Variants in TCF7L2 observed in about 807,000 individuals in gnomAD.
The protein encoded by TCF7L2 is transcription factor 7 like 2.
Under a neutral mutation model 77.9 loss-of-function variants are expected in TCF7L2, and 23 were observed. That is an observed-to-expected ratio of 0.30 (90% CI 0.21 to 0.42). The LOEUF (loss-of-function observed/expected upper bound fraction) is 0.42. TCF7L2 is among the 10% of genes least tolerant of loss of function. TCF7L2 has a pLI of 1.00. For synonymous variants in TCF7L2, 413 were observed against 340.2 expected (o/e 1.21, Z -2.36); for missense variants, 654 against 793.1 (o/e 0.82, Z 2.11).
In TCF7L2 at chr10:113,060,221, T is replaced by C. The variant is rs543413177; in HGVS notation, c.552+20095T>C. On this transcript the variant is annotated intron_variant, in intron 5 of 13. Transcript: ENST00000627217. ...GATAAAGGGGGGCAGCAAGTAACTA[T>C]GTCTGAGAGAAGGAATTGCAGGCAC... Among the ~76,000 whole-genome samples the C allele has an allele frequency of 6.6e-5, 10 of 152,344 alleles. No homozygotes were observed. In the East Asian group the frequency reaches 1.7e-3, roughly 26 times the overall value.
intron 4 of TCF7L2, among the ~76,000 whole-genome samples, chr10:113,034,483 T>C (rs139508735): frequency 1.3e-5 from 2 of 152,320 alleles, no homozygotes; most frequent in Admixed American, 1.3e-4. Flanking sequence ...ACTCTCAGCT[T>C]TGGGCGCATA....
At chr10:113,064,537 A>G (rs1052974647) in intron 5 of TCF7L2, among the ~76,000 whole-genome samples, 83 of 152,252 alleles carry the variant, frequency 5.5e-4, no homozygotes, top group African/African-American at 1.9e-3. Flanking sequence ...ACATGGACCA[A>G]GATTTATTCT....
intron 4 of TCF7L2, among the ~76,000 whole-genome samples, chr10:113,020,874 A>C (rs11196191): frequency 0.54 from 81,639 of 151,786 alleles, 24,630 homozygotes; most frequent in African/African-American, 0.81. Flanking sequence ...GCATCTACAG[A>C]ATGAGGGAGG....
At chr10:113,153,062 A>G (rs1286481867) in intron 11 of TCF7L2, among the ~76,000 whole-genome samples, 1 of 152,192 alleles carries the variant, frequency 6.6e-6, no homozygotes, top group Non-Finnish European at 1.5e-5. Context: ...AAGGGCAGGG[A>G]AAGTGTGCTA....
At chr10:113,080,044 A>G (rs2059163412) in intron 5 of TCF7L2, among the ~76,000 whole-genome samples, 1 of 151,904 alleles carries the variant, frequency 6.6e-6, no homozygotes, top group African/African-American at 2.4e-5. Flanking sequence ...CTCTGTACAC[A>G]CACACATGCA....
At position 113,161,370 on chromosome 10, in the gene TCF7L2, A is replaced by G. The variant is rs149605780; in HGVS notation, c.1391+679A>G. 4.5e-3 allele frequency: 2,686 copies of G among 600,856 alleles called. 9 individuals are homozygous for G. The highest frequency in any genetic ancestry group is 6.5e-3 in the Non-Finnish European group (2,199 of 337,048). 37.2% of individuals were successfully genotyped at this position (600,856 alleles called of 1,614,324 possible). A position where few individuals can be genotyped will look rare whatever the true frequency, so the allele number is the denominator to read the frequency against. On this transcript the variant is annotated intron_variant, in intron 13 of 13. Coordinates refer to ENST00000627217, the MANE Select transcript of TCF7L2 (RefSeq NM_001146274.2). ...AAATATATGTGTGTATATATGTAGC[A>G]TTGGTTCCAAAAGGAATCAGAACAG...
At chr10:113,026,697 CT>C in intron 4 of TCF7L2, among the ~76,000 whole-genome samples, 1 of 152,326 alleles carries the variant, frequency 6.6e-6, no homozygotes, top group East Asian at 1.9e-4. Context: ...CTTTCCACAT[CT>C]TTCCACTGCT....
At chr10:113,061,261 G>GTT (rs973886392) in intron 5 of TCF7L2, among the ~76,000 whole-genome samples, 1 of 151,984 alleles carries the variant, frequency 6.6e-6, no homozygotes, top group African/African-American at 2.4e-5. Context: ...GGAGACCTGT[G>GTT]TTTTTTTGGT....
In TCF7L2 at chr10:113,004,511, T is replaced by C. The variant is rs965741420; in HGVS notation, c.451-35514T>C. 2.0e-5 allele frequency among the ~76,000 whole-genome samples: 3 copies of C among 152,218 alleles called. No individual in the cohort carries two copies. The East Asian group carries it at 5.8e-4, about 29-fold the overall frequency. ...CCAGGTATGTCATAGACCAGACTAA[T>C]GAAATAACAAATTTCTTTTCAAAAA... On this transcript the variant is annotated intron_variant, in intron 4 of 13. Coordinates refer to ENST00000627217, the MANE Select transcript of TCF7L2 (RefSeq NM_001146274.2).
intron 6 of TCF7L2, among the ~76,000 whole-genome samples, chr10:113,142,027 CAG>C (rs1485769124): frequency 4.6e-5 from 7 of 152,160 alleles, no homozygotes. Flanking sequence ...TGTTTTTAAA[CAG>C]AGTCTTGCTC....
intron 4 of TCF7L2, among the ~76,000 whole-genome samples, chr10:113,024,616 CTTTTTTTTTT>C (rs377705347): frequency 2.4e-5 from 3 of 124,804 alleles, no homozygotes; most frequent in Non-Finnish European, 5.1e-5. Context: ...TATATAAACC[CTTTTTTTTTT>C]TTTTTTTTTT....
In TCF7L2 at chr10:113,157,907, G is replaced by A; in HGVS notation, c.1270-114G>A. 1.8e-6 allele frequency: 2 copies of A among 1,106,762 alleles called. 1 individual carries two copies. The highest frequency in any genetic ancestry group is 2.9e-5 in the South Asian group (2 of 69,132). The allele number at this position is 1,106,762 out of a possible 1,614,324, so 68.6% of individuals were successfully genotyped here. A position where few individuals can be genotyped will look rare whatever the true frequency, so the allele number is the denominator to read the frequency against. ...TGGACAAATACCGGGGGTTTGTGTG[G>A]ATGGAGATGGCAGTATGGTCACTTC... On this transcript the variant is annotated intron_variant, in intron 11 of 13. Coordinates refer to ENST00000627217, the MANE Select transcript of TCF7L2 (RefSeq NM_001146274.2).
chr10:112,960,382 G>T, intron 3 of TCF7L2, among the ~76,000 whole-genome samples: 1 of 152,274 alleles, frequency 6.6e-6, no homozygotes, highest in Non-Finnish European at 1.5e-5. Flanking sequence ...GAGAACTGCC[G>T]AGTCTTCACC....
chr10:113,161,203 A>G, intron 13 of TCF7L2: 1 of 299,098 alleles, frequency 3.3e-6, no homozygotes, highest in Non-Finnish European at 6.2e-6. Flanking sequence ...ACATGTCTGT[A>G]CGGAGGAGCT....
chr10:113,061,444 T>TTA (rs778544890), intron 5 of TCF7L2, among the ~76,000 whole-genome samples: 6 of 152,212 alleles, frequency 3.9e-5, no homozygotes, highest in Non-Finnish European at 7.3e-5. Context: ...CAGCGTAAAC[T>TTA]CAGCCCAGGT....
intron 13 of TCF7L2, 106 bp from the exon 15 acceptor site, chr10:113,165,449 G>T: frequency 7.7e-7 from 1 of 1,297,584 alleles, no homozygotes. Flanking sequence ...TGCCACCTCT[G>T]TGGGACATCC....
At chr10:113,124,992 A>G (rs1167353248) in intron 5 of TCF7L2, among the ~76,000 whole-genome samples, 1 of 152,156 alleles carries the variant, frequency 6.6e-6, no homozygotes, top group Non-Finnish European at 1.5e-5. Context: ...GTCATCGTTA[A>G]AGGAAACTTA....
rs923597812 is a variant in TCF7L2, at chr10:113,166,889, A to G, written c.*917A>G. On this transcript the variant is annotated 3_prime_UTR_variant, in exon 14 of 14. Transcript: ENST00000627217. ...ATTAATAGTTGCATTAAGGATCAGT[A>G]GCATTAACAAAAGTTGCTTTAAAAG... 10 of 229,612 alleles carry G rather than the reference A, an allele frequency of 4.4e-5. No homozygotes were observed. The highest frequency in any genetic ancestry group is 2.0e-4 in the African/African-American group (9 of 45,132). The allele number at this position is 229,612 out of a possible 1,614,324, so 14.2% of individuals were successfully genotyped here. A position where few individuals can be genotyped will look rare whatever the true frequency, so the allele number is the denominator to read the frequency against.
chr10:112,951,468 G>T lies in TCF7L2; in HGVS notation c.257-15G>T. 1 of 1,411,662 alleles carries T rather than the reference G, an allele frequency of 7.1e-7. No individual in the cohort carries two copies. The allele number at this position is 1,411,662 out of a possible 1,614,324, so 87.4% of individuals were successfully genotyped here. A position where few individuals can be genotyped will look rare whatever the true frequency, so the allele number is the denominator to read the frequency against. On this transcript the variant is annotated splice_polypyrimidine_tract_variant and intron_variant, in intron 2 of 13. Coordinates refer to ENST00000627217, the MANE Select transcript of TCF7L2 (RefSeq NM_001146274.2). ...GCGCGGCCGCCGCTGTCCCCTCGCC[G>T]CCCCGCCATGTTAGCGGCCAAGAGG...
Sources: gnomAD v4.1 joint callset for allele counts (sites outside exome capture counted in the v4.1 genomes callset) on GRCh38, gnomAD v4.1.1 for gene constraint, MANE v1.5 for transcripts, NCBI Gene and HGNC (gene_info 2026-07-23, HGNC 2026-07-21) for gene names.